DNAJC17: variants seen among roughly 807,000 people sequenced by gnomAD.
DNAJC17 encodes the protein DnaJ heat shock protein family (Hsp40) member C17.
DNAJC17 carries 35 observed loss-of-function variants against 48.1 expected under a neutral mutation model. That is an observed-to-expected ratio of 0.73 (90% CI 0.56 to 0.96). The LOEUF is 0.96. DNAJC17 is among the 50% of genes least tolerant of loss of function. The pLI, the probability that DNAJC17 is intolerant of heterozygous loss-of-function variation, is 0.00. For synonymous variants in DNAJC17, 117 were observed against 142.7 expected (o/e 0.82, Z 1.28); for missense variants, 355 against 377.1 (o/e 0.94, Z 0.48).
chr15:40,774,486 C>T, intron 8 of DNAJC17, 50 bp from the exon 9 acceptor site: 1 of 1,602,182 alleles, frequency 6.2e-7, no homozygotes, highest in Non-Finnish European at 8.5e-7. Flanking sequence ...TTCAGGATGG[C>T]CCAGGTCATG....
intron 1 of DNAJC17, among the ~76,000 whole-genome samples, chr15:40,801,658 C>T (rs952436686): frequency 2.8e-4 from 40 of 144,756 alleles, no homozygotes; most frequent in African/African-American, 9.8e-4. Context: ...GAGGCTGAGA[C>T]GGGAGAATGG....
In DNAJC17 at chr15:40,767,636, C is replaced by T. The variant is rs1401080965; in HGVS notation, c.*304G>A. 1.4e-5 allele frequency: 8 copies of T among 581,536 alleles called. No individual in the cohort carries two copies. The highest frequency in any genetic ancestry group is 3.9e-5 in the African/African-American group (2 of 51,592). The allele number at this position is 581,536 out of a possible 1,614,324, so 36.0% of individuals were successfully genotyped here. ...CTCGGGCAGCTGCCCCGGGCCGGAG[C>T]TGGGCACTCCAGCGGCCCTGGCGCG... On this transcript the variant is annotated 3_prime_UTR_variant, in exon 11 of 11. Transcript: ENST00000220496.
At chr15:40,795,760 T>C (rs1263067397) in intron 1 of DNAJC17, among the ~76,000 whole-genome samples, 1 of 151,998 alleles carries the variant, frequency 6.6e-6, no homozygotes, top group African/African-American at 2.4e-5. Context: ...CTGGGCGTGG[T>C]GGTGGGCACC....
intron 1 of DNAJC17, among the ~76,000 whole-genome samples, chr15:40,793,700 A>T (rs1486310461): frequency 6.6e-6 from 1 of 151,830 alleles, no homozygotes; most frequent in Non-Finnish European, 1.5e-5. Flanking sequence ...AGGAAGATGG[A>T]CTCACAATGA....
At chr15:40,774,909 G>T in intron 8 of DNAJC17, 122 bp downstream of exon 8, 1 of 1,025,872 alleles carries the variant, frequency 9.7e-7, no homozygotes, top group Non-Finnish European at 1.5e-6. Flanking sequence ...TGGTCTATGA[G>T]ACAGAAAAAA....
Position 40,779,536 on chromosome 15 carries a change from T to C in DNAJC17, c.207+9A>G, listed in dbSNP as rs761078607. ...GGGGGACGATTCCGATGAAGGAGGC[T>C]GTGCTTACCCTGGCTGCAGCATCGG... On this transcript the variant is annotated intron_variant, in intron 3 of 10. Transcript: ENST00000220496. 6.8e-6 allele frequency: 11 copies of C among 1,614,018 alleles called. No homozygotes were observed. In the Admixed American group the frequency reaches 1.7e-4, roughly 24 times the overall value.
intron 1 of DNAJC17, chr15:40,807,159 A>G (rs903041517): frequency 5.5e-6 from 7 of 1,266,188 alleles, no homozygotes; most frequent in Non-Finnish European, 7.4e-6. Context: ...ACCCGGCGCG[A>G]AGAGCCCTCT....
chr15:40,785,352 G>A (rs551516102), intron 1 of DNAJC17, among the ~76,000 whole-genome samples: 4 of 152,306 alleles, frequency 2.6e-5, no homozygotes, highest in Admixed American at 2.6e-4. Flanking sequence ...AGGCAGCATG[G>A]TTCACTAAAA....
chr15:40,794,876 C>T (rs919757934), intron 1 of DNAJC17, among the ~76,000 whole-genome samples: 1 of 151,962 alleles, frequency 6.6e-6, no homozygotes, highest in Non-Finnish European at 1.5e-5. Context: ...TGCCACCAAG[C>T]CCAGCTAATT....
chr15:40,771,071 T>A (rs559698327), intron 10 of DNAJC17: 237 of 1,521,736 alleles, frequency 1.6e-4, no homozygotes, highest in South Asian at 3.6e-4. Flanking sequence ...ATCCAGAGGC[T>A]GGGGATTAAG....
intron 1 of DNAJC17, chr15:40,780,345 C>T (rs768286500): frequency 6.1e-6 from 3 of 491,468 alleles, no homozygotes; most frequent in South Asian, 1.5e-5. Flanking sequence ...TAAACTGGGG[C>T]AACCTATCTG....
rs1890195493 is a variant in DNAJC17, at chr15:40,805,765, A to G, written c.78+1604T>C. Among the ~76,000 whole-genome samples, 6 of 151,826 alleles carry G rather than the reference A, an allele frequency of 4.0e-5. No individual in the cohort carries two copies. In the South Asian group the frequency reaches 6.2e-4, roughly 16 times the overall value. On this transcript the variant is annotated intron_variant, in intron 1 of 10. Transcript: ENST00000220496. ...AGAATGGCGTGAACCCGAGAGGCGG[A>G]GGTTGCAGTAAGCCGAGATCGCGCC...
At chr15:40,793,775 G>A (rs1329802468) in intron 1 of DNAJC17, among the ~76,000 whole-genome samples, 1 of 151,898 alleles carries the variant, frequency 6.6e-6, no homozygotes, top group Non-Finnish European at 1.5e-5. Context: ...AAATGCTTAC[G>A]TGGATCAAGC....
chr15:40,780,033 C>G (rs1256873530), intron 1 of DNAJC17, 36 bp from the exon 2 acceptor site: 1 of 1,602,226 alleles, frequency 6.2e-7, no homozygotes, highest in African/African-American at 1.3e-5. Context: ...GCCATTCACT[C>G]TCATCCCAGG....
intron 1 of DNAJC17, among the ~76,000 whole-genome samples, chr15:40,798,811 T>C (rs553656313): frequency 1.5e-3 from 232 of 152,288 alleles, no homozygotes; most frequent in Non-Finnish European, 2.3e-3. Flanking sequence ...ACTCAGGTAA[T>C]TCCTGAGATT....
In DNAJC17 at chr15:40,769,483, AC is replaced by A. The variant is rs1244842692; in HGVS notation, c.793-1422del. 6.6e-6 allele frequency among the ~76,000 whole-genome samples: 1 copy of A among 152,186 alleles called. No individual in the cohort carries two copies. The highest frequency in any genetic ancestry group is 1.5e-5 in the Non-Finnish European group (1 of 68,020). ...TGCTCTGCCAAGAAAACTTGGAGCC[AC>A]CCTTGGCGGGCCCCCAGCCCAACCC... On this transcript the variant is annotated intron_variant, in intron 10 of 10. Coordinates refer to ENST00000220496, the MANE Select transcript of DNAJC17 (RefSeq NM_018163.3). This position sits in a 1 kb window ranked among gnomAD's most constrained non-coding sequence, Gnocchi z 4.2.
Position 40,770,515 on chromosome 15 carries a change from G to T in DNAJC17, c.793-2453C>A. The T allele has an allele frequency of 1.3e-6, 2 of 1,550,100 alleles. No individual in the cohort carries two copies. The highest frequency in any genetic ancestry group is 2.7e-5 in the African/African-American group (2 of 73,146). Reference sequence around the variant, plus strand: ...GGCCCCATGGAGACCTGGCGGAAAGGCTCCTTCCGCAACGCCTCCTTCTTC... The same window carrying T: ...GGCCCCATGGAGACCTGGCGGAAAGTCTCCTTCCGCAACGCCTCCTTCTTC... On this transcript the variant is annotated intron_variant, in intron 10 of 10. Transcript: ENST00000220496. The surrounding 1 kb of genome is among the most constrained non-coding windows in gnomAD (Gnocchi z 5.0).
intron 1 of DNAJC17, among the ~76,000 whole-genome samples, chr15:40,800,992 C>A (rs1890061822): frequency 6.6e-6 from 1 of 152,140 alleles, no homozygotes; most frequent in South Asian, 2.1e-4. Flanking sequence ...CCATTTGGCC[C>A]CTCAAACTGT....
intron 2 of DNAJC17, 44 bp downstream of exon 2, chr15:40,779,884 G>A (rs1431060621): frequency 6.3e-7 from 1 of 1,589,370 alleles, no homozygotes; most frequent in African/African-American, 1.3e-5. Context: ...ACAATGCCCG[G>A]GTGAGTGGGT....
Sources: gnomAD v4.1 joint callset for allele counts (sites outside exome capture counted in the v4.1 genomes callset) on GRCh38, gnomAD v4.1.1 for gene constraint, Gnocchi (gnomAD v3.1) non-coding constraint, MANE v1.5 for transcripts, NCBI Gene and HGNC (gene_info 2026-07-23, HGNC 2026-07-21) for gene names.